HOMER1: variants seen among roughly 807,000 people sequenced by gnomAD.
HOMER1 encodes the protein homer protein homolog 1.
In HOMER1, 3 loss-of-function variants were observed where a neutral mutation model predicts 48.9. The ratio of observed to expected loss-of-function variants is 0.06; its 90% confidence interval spans 0.03 to 0.16. HOMER1 has a LOEUF of 0.16. Ranked by LOEUF, HOMER1 falls within the 10% of genes least tolerant of loss-of-function variation. The pLI is 1.00. For synonymous variants in HOMER1, 134 were observed against 146.4 expected, an observed-to-expected ratio of 0.92 and a Z score of 0.61; for missense variants, 247 against 411.4, an observed-to-expected ratio of 0.60 and a Z score of 3.46.
chr5:79,475,625 C>A (rs529144281), intron 1 of HOMER1, among the ~76,000 whole-genome samples: 4 of 152,084 alleles, frequency 2.6e-5, no homozygotes, highest in Non-Finnish European at 4.4e-5. Flanking sequence ...GAATAACCAA[C>A]TTCTAGTCTC....
chr5:79,440,162 T>C (rs943154765), intron 4 of HOMER1, among the ~76,000 whole-genome samples: 1 of 152,122 alleles, frequency 6.6e-6, no homozygotes, highest in Admixed American at 6.5e-5. Context: ...TTTCCTCTAA[T>C]AAAAATAAGA....
Position 79,513,288 on chromosome 5 carries a change from C to A in HOMER1, c.-514G>T, listed in dbSNP as rs1752993302. The A allele has an allele frequency of 6.4e-6, 1 of 156,344 alleles. No homozygotes were observed. Among genetic ancestry groups the A allele is most frequent in the African/African-American group, 2.4e-5 (1 of 41,478 alleles). The allele number at this position is 156,344 out of a possible 1,614,324, so 9.7% of individuals were successfully genotyped here. A position where few individuals can be genotyped will look rare whatever the true frequency, so the allele number is the denominator to read the frequency against. Reference sequence around the variant, plus strand: ...AATCCCAAAAGCAGTAATGCCACGGCTTCCCTGCGCTCACATTAGGAAAAA... The same window carrying A: ...AATCCCAAAAGCAGTAATGCCACGGATTCCCTGCGCTCACATTAGGAAAAA... On this transcript the variant is annotated 5_prime_UTR_variant, in exon 1 of 9. Coordinates refer to ENST00000334082, the MANE Select transcript of HOMER1 (RefSeq NM_004272.5).
At chr5:79,507,893 A>G (rs1752823138) in intron 1 of HOMER1, among the ~76,000 whole-genome samples, 1 of 152,184 alleles carries the variant, frequency 6.6e-6, no homozygotes, top group Non-Finnish European at 1.5e-5. Flanking sequence ...TGCTAAGAAC[A>G]TACCATGCTC....
intron 1 of HOMER1, among the ~76,000 whole-genome samples, chr5:79,466,155 C>G (rs1751459144): frequency 6.6e-6 from 1 of 151,994 alleles, no homozygotes; most frequent in South Asian, 2.1e-4. Context: ...TTAAAAACCC[C>G]ATCCATTTCA....
At chr5:79,492,287 G>A (rs1752298985) in intron 1 of HOMER1, among the ~76,000 whole-genome samples, 1 of 152,054 alleles carries the variant, frequency 6.6e-6, no homozygotes, top group Non-Finnish European at 1.5e-5. Flanking sequence ...ATTAGTACAG[G>A]GGTACAGTTA....
At chr5:79,464,231 A>G (rs1454930925) in intron 1 of HOMER1, among the ~76,000 whole-genome samples, 1 of 152,218 alleles carries the variant, frequency 6.6e-6, no homozygotes, top group African/African-American at 2.4e-5. Flanking sequence ...GAATAAGGGA[A>G]AGTAGGAGAG....
chr5:79,492,225 T>C (rs1185238483), intron 1 of HOMER1, among the ~76,000 whole-genome samples: 1 of 152,148 alleles, frequency 6.6e-6, no homozygotes, highest in Non-Finnish European at 1.5e-5. Flanking sequence ...ATGCATTCCA[T>C]CATCATGAAA....
intron 2 of HOMER1, among the ~76,000 whole-genome samples, chr5:79,452,750 G>C (rs1322242277): frequency 6.6e-6 from 1 of 151,832 alleles, no homozygotes; most frequent in African/African-American, 2.4e-5. Context: ...TGTGTCCACT[G>C]TTATATGAGA....
chr5:79,442,108 A>C lies in HOMER1; in HGVS notation c.388-2959T>G, dbSNP rs566172640. On this transcript the variant is annotated intron_variant, in intron 4 of 8. Transcript: ENST00000334082. ...GCTTTGAGAAAATAAAACCACTTAC[A>C]TCTCATTTTTTTTCTGAGAAACTCT... is the stretch of plus-strand genomic sequence containing the variant. Among the ~76,000 whole-genome samples the C allele has an allele frequency of 3.9e-5, 6 of 152,238 alleles. 1 individual carries two copies. The South Asian group carries it at 1.2e-3, about 32-fold the overall frequency.
chr5:79,451,071 A>G lies in HOMER1; in HGVS notation c.213T>C (p.Ser71=). ...ITPNMTFTKT[S]QKFGQWADSR... is the part of the protein sequence containing the mutation. ...TATCAGCCCACTGGCCAAACTTCTG[A>G]GATGTTTTAGTAAATGTCATGTTTG... Residue 71 remains serine, a synonymous_variant, in exon 3 of 9, where the codon TCT becomes TCC. Transcript: ENST00000334082. The G allele has an allele frequency of 1.9e-6, 3 of 1,613,924 alleles. No individual in the cohort carries two copies. Among genetic ancestry groups the G allele is most frequent in the Non-Finnish European group, 2.5e-6 (3 of 1,179,844 alleles).
intron 5 of HOMER1, among the ~76,000 whole-genome samples, chr5:79,430,301 A>T (rs1391791510): frequency 6.6e-6 from 1 of 152,220 alleles, no homozygotes; most frequent in African/African-American, 2.4e-5. Flanking sequence ...TCAATGAAAT[A>T]CAAATGAAAG....
chr5:79,391,700 G>T (rs951215509), intron 8 of HOMER1, among the ~76,000 whole-genome samples: 2 of 150,836 alleles, frequency 1.3e-5, no homozygotes, highest in Admixed American at 6.6e-5. Context: ...CTGAGATCGC[G>T]CCACTGCATT....
intron 8 of HOMER1, among the ~76,000 whole-genome samples, chr5:79,380,140 A>G (rs987415619): frequency 6.6e-6 from 1 of 152,194 alleles, no homozygotes; most frequent in African/African-American, 2.4e-5. Context: ...CAATATGGAT[A>G]AAGGGTAAGA....
intron 5 of HOMER1, among the ~76,000 whole-genome samples, chr5:79,413,748 T>C (rs966282479): frequency 2.0e-5 from 3 of 151,430 alleles, no homozygotes; most frequent in African/African-American, 4.8e-5. Context: ...GGTGCTTTCA[T>C]ATCAGCCTGT....
At chr5:79,473,279 C>A (rs748016381) in intron 1 of HOMER1, among the ~76,000 whole-genome samples, 1 of 152,224 alleles carries the variant, frequency 6.6e-6, no homozygotes, top group Non-Finnish European at 1.5e-5. Flanking sequence ...TGTGGCCCAA[C>A]ACAAATTTGT....
intron 4 of HOMER1, among the ~76,000 whole-genome samples, chr5:79,440,686 T>A (rs977855462): frequency 6.6e-6 from 1 of 152,204 alleles, no homozygotes; most frequent in Admixed American, 6.5e-5. Context: ...TGGACCATAT[T>A]AATTAGTCAG....
chr5:79,504,054 CA>C, intron 1 of HOMER1, among the ~76,000 whole-genome samples: 1 of 152,176 alleles, frequency 6.6e-6, no homozygotes, highest in Non-Finnish European at 1.5e-5. Flanking sequence ...ATCAATTTAA[CA>C]ATAGTAAAAT....
intron 5 of HOMER1, among the ~76,000 whole-genome samples, chr5:79,421,273 T>G (rs1475052290): frequency 6.6e-6 from 1 of 152,238 alleles, no homozygotes; most frequent in Non-Finnish European, 1.5e-5. Flanking sequence ...GAGATACCCT[T>G]ACATTCAAAT....
At chr5:79,416,392 T>C (rs190651317) in intron 5 of HOMER1, among the ~76,000 whole-genome samples, 24 of 152,328 alleles carry the variant, frequency 1.6e-4, no homozygotes, top group Admixed American at 2.6e-4. Flanking sequence ...GGAATCTATG[T>C]TATGTGTACT....
Sources: gnomAD v4.1 joint callset for allele counts (sites outside exome capture counted in the v4.1 genomes callset) on GRCh38, gnomAD v4.1.1 for gene constraint, MANE v1.5 for transcripts, NCBI Gene and HGNC (gene_info 2026-07-23, HGNC 2026-07-21) for gene names.